Variants in RORA observed in about 807,000 individuals in gnomAD.
RORA encodes the protein nuclear receptor ROR-alpha.
In RORA, 7 loss-of-function variants were observed where a neutral mutation model predicts 69.5. That is an observed-to-expected ratio of 0.10 (90% CI 0.06 to 0.19). RORA has a LOEUF of 0.19. Among genes scored for constraint, RORA ranks in the 10% least tolerant of loss-of-function variants. RORA has a pLI of 1.00. For missense variants in RORA, 457 were observed against 663.0 expected (o/e 0.69, Z 3.41); for synonymous variants, 261 against 240.8 (o/e 1.08, Z -0.78).
chr15:61,217,495 A>G (rs1164877554), intron 1 of RORA, among the ~76,000 whole-genome samples: 4 of 152,114 alleles, frequency 2.6e-5, no homozygotes, highest in Non-Finnish European at 5.9e-5. Context: ...AGGCACATAC[A>G]AGGTAGAGAG....
At chr15:60,939,506 C>T (rs946309303) in intron 1 of RORA, among the ~76,000 whole-genome samples, 3 of 152,224 alleles carry the variant, frequency 2.0e-5, no homozygotes, top group Admixed American at 1.3e-4. Flanking sequence ...AATCCAGTTG[C>T]CATAGCGGCC....
At chr15:60,622,856 C>G (rs1035708158) in intron 2 of RORA, among the ~76,000 whole-genome samples, 2 of 152,110 alleles carry the variant, frequency 1.3e-5, no homozygotes, top group African/African-American at 2.4e-5. Context: ...GCTGGGAGTA[C>G]AGGCATGCAC....
intron 1 of RORA, among the ~76,000 whole-genome samples, chr15:61,009,122 T>C (rs1895009616): frequency 6.6e-6 from 1 of 152,208 alleles, no homozygotes; most frequent in Non-Finnish European, 1.5e-5. Flanking sequence ...CCATTAGTGA[T>C]TCATCACTTT....
chr15:60,654,664 T>C (rs1168967969), intron 2 of RORA, among the ~76,000 whole-genome samples: 1 of 152,164 alleles, frequency 6.6e-6, no homozygotes, highest in Non-Finnish European at 1.5e-5. Flanking sequence ...TTCTGGATTA[T>C]CTGGGTGGGC....
chr15:60,820,295 A>T (rs902296841), intron 1 of RORA, among the ~76,000 whole-genome samples: 2 of 152,202 alleles, frequency 1.3e-5, no homozygotes, highest in African/African-American at 4.8e-5. Flanking sequence ...AAACACCACC[A>T]ATCAAAGCTC....
chr15:60,622,578 A>G (rs2069445413), intron 2 of RORA, among the ~76,000 whole-genome samples: 1 of 152,120 alleles, frequency 6.6e-6, no homozygotes, highest in Non-Finnish European at 1.5e-5. Flanking sequence ...TCAGGGAGAC[A>G]AGACTGCATC....
chr15:60,502,895 C>T (rs2065375576), intron 7 of RORA, 28 bp from the exon 8 acceptor site: 1 of 1,430,784 alleles, frequency 7.0e-7, no homozygotes, highest in Admixed American at 1.7e-5. Flanking sequence ...TGGTTTGGGT[C>T]ATTTGGGTCA....
chr15:61,087,127 C>T (rs1321799227), intron 1 of RORA, among the ~76,000 whole-genome samples: 1 of 152,146 alleles, frequency 6.6e-6, no homozygotes, highest in Non-Finnish European at 1.5e-5. Flanking sequence ...GCTATGATTG[C>T]ACCTGGGTGA....
chr15:61,211,082 T>C (rs913272325), intron 1 of RORA, among the ~76,000 whole-genome samples: 2 of 152,154 alleles, frequency 1.3e-5, no homozygotes, highest in Admixed American at 1.3e-4. Context: ...TTTAGAATGA[T>C]TTCTGTTTTT....
intron 1 of RORA, among the ~76,000 whole-genome samples, chr15:61,069,516 G>A (rs1053404903): frequency 1.3e-5 from 2 of 152,066 alleles, no homozygotes; most frequent in African/African-American, 4.8e-5. Context: ...AGGGGCGAGT[G>A]GAAACAGCTG....
At position 60,853,823 on chromosome 15, in the gene RORA, G is replaced by A. The variant is rs143531152; in HGVS notation, c.167-175137C>T. ...CAAATCTCAATTGTTGTCCCTATTT[G>A]ATGGACAATATTATAAAATCTTTTA... On this transcript the variant is annotated intron_variant, in intron 1 of 10. Coordinates refer to ENST00000335670, the MANE Select transcript of RORA (RefSeq NM_134261.3). 9.8e-5 allele frequency among the ~76,000 whole-genome samples: 15 copies of A among 152,340 alleles called. No homozygotes were observed. In the East Asian group the frequency reaches 2.7e-3, roughly 27 times the overall value.
intron 2 of RORA, among the ~76,000 whole-genome samples, chr15:60,541,163 T>C (rs977947715): frequency 2.7e-4 from 41 of 152,164 alleles, no homozygotes; most frequent in African/African-American, 9.4e-4. Flanking sequence ...CACTTTAAGA[T>C]TGTAAGATCT....
chr15:60,899,345 G>C (rs1891320736), intron 1 of RORA, among the ~76,000 whole-genome samples: 1 of 152,174 alleles, frequency 6.6e-6, no homozygotes, highest in Admixed American at 6.6e-5. Flanking sequence ...TTAGTATATG[G>C]TCCAACATGG....
chr15:60,540,046 T>G (rs556366334), intron 2 of RORA, among the ~76,000 whole-genome samples: 2 of 152,338 alleles, frequency 1.3e-5, no homozygotes, highest in South Asian at 4.1e-4. Flanking sequence ...GCTAAGTGAT[T>G]AGACTATGCT....
chr15:60,790,816 G>A (rs1348096963), intron 1 of RORA, among the ~76,000 whole-genome samples: 5 of 152,176 alleles, frequency 3.3e-5, no homozygotes, highest in Non-Finnish European at 7.3e-5. Context: ...GAAAACTTCT[G>A]GCCTAGCTTC....
chr15:60,494,770 C>T lies in RORA; in HGVS notation c.*2685G>A, dbSNP rs1243682449. On this transcript the variant is annotated 3_prime_UTR_variant, in exon 11 of 11. Transcript: ENST00000335670. ...CACCTGGGAAGAAGCATCATATTAC[C>T]TATCTTGGTTTACCGTAAAAGCAAT... 6.6e-6 allele frequency: 1 copy of T among 152,146 alleles called. No homozygotes were observed. The highest frequency in any genetic ancestry group is 1.5e-5 in the Non-Finnish European group (1 of 68,034). The allele number at this position is 152,146 out of a possible 1,614,324, so 9.4% of individuals were successfully genotyped here.
At chr15:60,648,512 C>T (rs1436538063) in intron 2 of RORA, among the ~76,000 whole-genome samples, 1 of 152,196 alleles carries the variant, frequency 6.6e-6, no homozygotes, top group Non-Finnish European at 1.5e-5. Context: ...CACAGAAACA[C>T]TACTACAGAA....
chr15:60,777,340 T>C (rs77127722), intron 1 of RORA, among the ~76,000 whole-genome samples: 2,340 of 152,282 alleles, frequency 0.015, 71 homozygotes, highest in African/African-American at 0.053. Context: ...GGAAAATTGA[T>C]AGCCTAGATA....
chr15:60,662,480 G>T (rs576642113), intron 2 of RORA, among the ~76,000 whole-genome samples: 3 of 152,254 alleles, frequency 2.0e-5, no homozygotes, highest in Admixed American at 2.0e-4. Flanking sequence ...AGCCCAAATG[G>T]TTGGAAATGT....
Sources: gnomAD v4.1 joint callset for allele counts (sites outside exome capture counted in the v4.1 genomes callset) on GRCh38, gnomAD v4.1.1 for gene constraint, MANE v1.5 for transcripts, NCBI Gene and HGNC (gene_info 2026-07-23, HGNC 2026-07-21) for gene names.